DIS3: variants seen among roughly 807,000 people sequenced by gnomAD.
DIS3 encodes DIS3 exosome endoribonuclease and 3'-5' exoribonuclease.
In DIS3, 103 loss-of-function variants were observed where a neutral mutation model predicts 113.0. The ratio of observed to expected loss-of-function variants is 0.91; its 90% CI spans 0.78 to 1.07. DIS3 has a LOEUF of 1.07. Ranked by LOEUF, DIS3 falls within the 50% of genes least tolerant of loss-of-function variation. The probability of loss-of-function intolerance (pLI) is 0.00; values close to 1 mark genes in which losing one functional copy is unlikely to be tolerated. For missense variants in DIS3, 1,121 were observed against 1,167.1 expected (o/e 0.96, Z 0.58); for synonymous variants, 402 against 394.3 (o/e 1.02, Z -0.23).
In DIS3 at chr13:72,772,265, T is replaced by G; in HGVS notation, c.1397A>C (p.Asn466Thr). The change falls in exon 10 of 21, where the codon AAC becomes ACC. Residue 466 changes from asparagine (N) to threonine (T), a missense_variant. Asn to Thr is a moderately conservative substitution (Grantham distance 65, BLOSUM62 0). Transcript: ENST00000377767. The part of the protein sequence containing the change: ...PWSITEKDMK[N>T]REDLRHLCIC... ...ACACAGATGCCTCAGGTCTTCTCGG[T>G]TTTTCATGTCCTAGAAGACATGAAA... 1 of 1,610,886 alleles carries G rather than the reference T, an allele frequency of 6.2e-7. No individual in the cohort carries two copies.
At chr13:72,769,878 G>C (rs1466289813) in intron 13 of DIS3, among the ~76,000 whole-genome samples, 1 of 152,176 alleles carries the variant, frequency 6.6e-6, no homozygotes, top group East Asian at 1.9e-4. Context: ...CAGATCATTA[G>C]AAGATAAGGG....
At chr13:72,772,588 A>G in intron 9 of DIS3, 105 bp downstream of exon 9, 1 of 1,220,150 alleles carries the variant, frequency 8.2e-7, no homozygotes, top group Non-Finnish European at 1.1e-6. Context: ...ATGCAGGAAA[A>G]GAGGGCCCGT....
At chr13:72,774,734 G>A (rs549409876) in intron 6 of DIS3, among the ~76,000 whole-genome samples, 8 of 152,100 alleles carry the variant, frequency 5.3e-5, no homozygotes, top group East Asian at 1.9e-4. Flanking sequence ...TAGACTTAGC[G>A]CATATCATAA....
At position 72,771,075 on chromosome 13, in the gene DIS3, A is replaced by G. The variant is rs764164268; in HGVS notation, c.1670+6T>C. 2 of 1,613,276 alleles carry G rather than the reference A, an allele frequency of 1.2e-6. No homozygotes were observed. Among genetic ancestry groups the G allele is most frequent in the South Asian group, 2.2e-5 (2 of 90,974 alleles). On this transcript the variant is annotated splice_donor_region_variant and intron_variant, in intron 12 of 20. Coordinates refer to ENST00000377767, the MANE Select transcript of DIS3 (RefSeq NM_014953.5). The stretch of plus-strand genomic sequence containing the variant: ...TCTTCAAGGAAAAAAAACCATGCAG[A>G]AATACCTGTCCACGTCACATTTTAA...
intron 6 of DIS3, 69 bp from the exon 7 acceptor site, chr13:72,774,128 T>G (rs1009415654): frequency 3.1e-6 from 3 of 972,872 alleles, no homozygotes; most frequent in African/African-American, 1.6e-5. Flanking sequence ...CCTTTCAAAA[T>G]CAAAATGCAT....
At position 72,771,939 on chromosome 13, in the gene DIS3, G is replaced by A. The variant is rs756199166; in HGVS notation, c.1504-43C>T. On this transcript the variant is annotated intron_variant, in intron 10 of 20. Coordinates refer to ENST00000377767, the MANE Select transcript of DIS3 (RefSeq NM_014953.5). ...AAAAGGATGTCAATATGCTTGACTG[G>A]GTAAATGTACCTAATGGAGTTTTAA... The A allele has an allele frequency of 3.2e-6, 5 of 1,576,170 alleles. No individual in the cohort carries two copies. In the South Asian group the frequency reaches 5.6e-5, roughly 18 times the overall value.
At chr13:72,778,957 A>G (rs1334980083) in intron 2 of DIS3, among the ~76,000 whole-genome samples, 1 of 152,240 alleles carries the variant, frequency 6.6e-6, no homozygotes, top group African/African-American at 2.4e-5. Flanking sequence ...CAACACATTC[A>G]TCTATTTCTT....
In DIS3 at chr13:72,770,884, T is replaced by C. The variant is rs1482437401; in HGVS notation, c.1755+20A>G. On this transcript the variant is annotated intron_variant, in intron 13 of 20. Coordinates refer to ENST00000377767, the MANE Select transcript of DIS3 (RefSeq NM_014953.5). ...TACCAAAAAGTTTAAAAATTAGAGA[T>C]TAATAGCCATGAAACGAACCTTTGA... The C allele has an allele frequency of 6.5e-7, 1 of 1,547,656 alleles. No individual in the cohort carries two copies. The highest frequency in any genetic ancestry group is 8.7e-7 in the Non-Finnish European group (1 of 1,145,592).
At chr13:72,777,398 C>G (rs1333947919) in intron 4 of DIS3, 22 bp downstream of exon 4, 1 of 1,611,726 alleles carries the variant, frequency 6.2e-7, no homozygotes, top group East Asian at 2.2e-5. Context: ...TTTTACTTTT[C>G]AAAAACAAAA....
chr13:72,773,790 T>C lies in DIS3; in HGVS notation c.1133A>G (p.Lys378Arg). ...SRRHLFTPAD[K>R]RIPRIRIETR... The stretch of plus-strand genomic sequence containing the variant: ...TTCTATGCGAATTCGAGGGATTCTC[T>C]TATCAGCAGGTGTAAAGAGATGTCT... The change falls in exon 8 of 21, where the codon AAG (lysine) becomes AGG (arginine). Residue 378 changes from lysine to arginine, a missense_variant. Lys to Arg is a conservative substitution (Grantham distance 26). This residue lies in a region of DIS3 where 861 missense variants were observed against 915.5 expected (regional missense o/e 0.94). Transcript: ENST00000377767. 1 of 1,613,946 alleles carries C rather than the reference T, an allele frequency of 6.2e-7. No individual in the cohort carries two copies. The highest frequency in any genetic ancestry group is 8.5e-7 in the Non-Finnish European group (1 of 1,179,954).
Position 72,755,699 on chromosome 13 carries a change from C to T in DIS3, c.*4096G>A, listed in dbSNP as rs1593827400. 3 of 395,916 alleles carry T rather than the reference C, an allele frequency of 7.6e-6. No homozygotes were observed. Among genetic ancestry groups the T allele is most frequent in the Non-Finnish European group, 1.3e-5 (3 of 224,966 alleles). 24.5% of individuals were successfully genotyped at this position (395,916 alleles called of 1,614,324 possible). ...TTTCAAAGATACAAAAGAAATTAAA[C>T]AGGTTTCCTGAAATTTTAGTTCTTG... On this transcript the variant is annotated 3_prime_UTR_variant, in exon 21 of 21. Transcript: ENST00000377767.
At chr13:72,770,741 TA>T (rs1439098351) in intron 13 of DIS3, among the ~76,000 whole-genome samples, 162 bp downstream of exon 13, 3 of 152,084 alleles carry the variant, frequency 2.0e-5, no homozygotes, top group Non-Finnish European at 4.4e-5. Context: ...TTAGGTTAAG[TA>T]AATATACATA....
chr13:72,778,180 G>A lies in DIS3; in HGVS notation c.580+7C>T. 2 of 1,566,712 alleles carry A rather than the reference G, an allele frequency of 1.3e-6. No homozygotes were observed. The highest frequency in any genetic ancestry group is 1.7e-6 in the Non-Finnish European group (2 of 1,145,018). On this transcript the variant is annotated splice_region_variant and intron_variant, in intron 3 of 20. Transcript: ENST00000377767. ...CATGCACTAAGTACTTCTACATTTA[G>A]ACTTACAAGTGAAAGCTGGTATTCC...
intron 9 of DIS3, 115 bp from the exon 10 acceptor site, chr13:72,772,390 T>A: frequency 1.2e-6 from 1 of 823,394 alleles, no homozygotes; most frequent in Non-Finnish European, 1.9e-6. Flanking sequence ...CTGTATTTTC[T>A]TGATGACAAC....
At chr13:72,768,046 C>T (rs543930284) in intron 14 of DIS3, among the ~76,000 whole-genome samples, 1 of 152,290 alleles carries the variant, frequency 6.6e-6, no homozygotes, top group South Asian at 2.1e-4. Context: ...CTAGTCAGAT[C>T]TTTGGGAAGA....
chr13:72,773,038 A>C (rs1333439237), intron 8 of DIS3, among the ~76,000 whole-genome samples, 199 bp from the exon 9 acceptor site: 1 of 152,234 alleles, frequency 6.6e-6, no homozygotes, highest in Non-Finnish European at 1.5e-5. Flanking sequence ...TCCAGCTCTT[A>C]CATTCTAAAG....
chr13:72,764,989 T>C (rs1002553822), intron 15 of DIS3, among the ~76,000 whole-genome samples: 2 of 152,168 alleles, frequency 1.3e-5, no homozygotes, highest in Non-Finnish European at 2.9e-5. Context: ...CGCAAGCACA[T>C]ATTTACTCTA....
intron 16 of DIS3, among the ~76,000 whole-genome samples, chr13:72,762,746 G>A (rs1388062582): frequency 2.0e-5 from 3 of 151,846 alleles, no homozygotes; most frequent in African/African-American, 7.3e-5. Context: ...CCTTTCTATA[G>A]TTTCCTCTTT....
rs2033405569 is a variant in DIS3, at chr13:72,754,910, C to T, written c.*4885G>A. ...AAAATTTTTGGTAGAGACAGGGTCTCACTATGTTGCCAGGGCTAGTCCCAA... is the reference window on the plus strand; with the variant it reads ...AAAATTTTTGGTAGAGACAGGGTCTTACTATGTTGCCAGGGCTAGTCCCAA... On this transcript the variant is annotated 3_prime_UTR_variant, in exon 21 of 21. Coordinates refer to ENST00000377767, the MANE Select transcript of DIS3 (RefSeq NM_014953.5). 1 of 394,206 alleles carries T rather than the reference C, an allele frequency of 2.5e-6. No homozygotes were observed. Among genetic ancestry groups the T allele is most frequent in the African/African-American group, 2.1e-5 (1 of 48,170 alleles). 24.4% of individuals were successfully genotyped at this position (394,206 alleles called of 1,614,324 possible).
Sources: gnomAD v4.1 joint callset for allele counts (sites outside exome capture counted in the v4.1 genomes callset) on GRCh38, gnomAD v4.1.1 for gene constraint, gnomAD v4.1.1 regional missense constraint, MANE v1.5 for transcripts, NCBI Gene and HGNC (gene_info 2026-07-23, HGNC 2026-07-21) for gene names.